The following XKRX variants were observed in gnomAD, a reference collection of about 807,000 sequenced individuals.
XKRX encodes XK related X-linked, also known as XK-related protein 2.
A neutral mutation model predicts 22.4 loss-of-function variants in XKRX; 11 were observed. That is an observed-to-expected ratio of 0.49 (90% CI 0.31 to 0.81). The LOEUF (loss-of-function observed/expected upper bound fraction) is 0.81. Among genes scored for constraint, XKRX ranks in the 40% least tolerant of loss-of-function variants. XKRX has a pLI of 0.05. For synonymous variants in XKRX, 114 were observed against 132.2 expected (o/e 0.86, Z 0.94); for missense variants, 320 against 336.5 (o/e 0.95, Z 0.38).
the XKRX span, among the ~76,000 whole-genome samples, chrX:100,944,791 C>T: frequency 1.8e-5 from 2 of 112,046 alleles, no homozygotes; most frequent in African/African-American, 6.5e-5. Context: ...CTGGCAGTGA[C>T]CTGAGGCCAA....
rs766360862 is a variant in XKRX, at chrX:100,914,671, G to A, written c.1017C>T (p.Leu339=). ...GTCCCCAGTTCTGCCCTTTGTCGACGAGATCTCTGTCTGCCAACCTCAACT... is the reference window on the plus strand; with the variant it reads ...GTCCCCAGTTCTGCCCTTTGTCGACAAGATCTCTGTCTGCCAACCTCAACT... ...ALQLRLADRD[L]VDKGQNWGHM... Residue 339 remains leucine, a synonymous_variant, in exon 3 of 3, where the codon CTC becomes CTT. Transcript: ENST00000372956. The A allele has an allele frequency of 3.1e-5, 38 of 1,210,010 alleles. No homozygotes were observed. Among genetic ancestry groups the A allele is most frequent in the South Asian group, 1.6e-4 (9 of 56,763 alleles).
At chrX:100,955,702 T>C in the XKRX span, among the ~76,000 whole-genome samples, 207 of 111,480 alleles carry the variant, frequency 1.9e-3, no homozygotes, top group African/African-American at 6.2e-3. Flanking sequence ...GTTTTCTTTT[T>C]AAAAAAGCAA....
chrX:100,889,412 A>C, the XKRX span, among the ~76,000 whole-genome samples: 1 of 108,924 alleles, frequency 9.2e-6, no homozygotes, highest in Non-Finnish European at 1.9e-5. Context: ...ATTTTTTTAA[A>C]TTTTTTCAGA....
chrX:100,954,273 G>C, the XKRX span, among the ~76,000 whole-genome samples: 169 of 111,094 alleles, frequency 1.5e-3, no homozygotes, highest in African/African-American at 4.6e-3. Flanking sequence ...ACAAAACTTA[G>C]CCAGGTGTGG....
chrX:100,945,883 G>A, the XKRX span, among the ~76,000 whole-genome samples: 102 of 105,296 alleles, frequency 9.7e-4, no homozygotes, highest in African/African-American at 3.3e-3. Flanking sequence ...GTGAAACAAC[G>A]CACATAAAAA....
the XKRX span, among the ~76,000 whole-genome samples, chrX:100,938,848 T>C: frequency 5.4e-4 from 61 of 112,273 alleles, no homozygotes; most frequent in African/African-American, 1.9e-3. Flanking sequence ...CTCCTAAAGA[T>C]ATACTCTCAC....
chrX:100,937,118 G>A, the XKRX span, among the ~76,000 whole-genome samples: 1 of 109,477 alleles, frequency 9.1e-6, no homozygotes, highest in Non-Finnish European at 1.9e-5. Context: ...AGCCTCCTGA[G>A]TAGCTGGGAT....
At chrX:100,894,496 G>A in the XKRX span, among the ~76,000 whole-genome samples, 1 of 111,313 alleles carries the variant, frequency 9.0e-6, no homozygotes, top group Admixed American at 9.6e-5. Flanking sequence ...TTTTCAGCCT[G>A]TGGTGTAACC....
In XKRX at chrX:100,922,987, G is replaced by A; in HGVS notation, c.410C>T (p.Thr137Ile). Residue 137 changes from threonine (T) to isoleucine (I), a missense_variant, in exon 2 of 3, where the codon ACC (threonine) becomes ATC (isoleucine). Thr to Ile is a moderately conservative substitution (Grantham distance 89). Transcript: ENST00000372956. ...EEQEEPYVSL[T>I]RKKMLIDGEE... is the part of the protein sequence containing the mutation. ...GCCATCTATTAGCATCTTCTTTCGG[G>A]TGAGGCTGACATAGGGCTCCTCCTG... The A allele has an allele frequency of 1.7e-6, 2 of 1,211,592 alleles. No homozygotes were observed. Among genetic ancestry groups the A allele is most frequent in the Middle Eastern group, 2.3e-4 (1 of 4,356 alleles).
chrX:100,958,240 T>C, the XKRX span, among the ~76,000 whole-genome samples: 1 of 112,040 alleles, frequency 8.9e-6, no homozygotes, highest in Non-Finnish European at 1.9e-5. Flanking sequence ...TCAGAGTTGC[T>C]ATAGACTATT....
chrX:100,901,173 T>C, the XKRX span, among the ~76,000 whole-genome samples: 4 of 111,503 alleles, frequency 3.6e-5, no homozygotes, highest in African/African-American at 9.8e-5. Flanking sequence ...TATGTATCTA[T>C]CTATATACAT....
the XKRX span, among the ~76,000 whole-genome samples, chrX:100,887,439 C>A: frequency 4.4e-5 from 5 of 112,686 alleles, no homozygotes; most frequent in South Asian, 3.7e-4. Flanking sequence ...ACTAAAATAA[C>A]CTGTTATACA....
At chrX:100,938,972 T>C in the XKRX span, among the ~76,000 whole-genome samples, 1 of 112,232 alleles carries the variant, frequency 8.9e-6, no homozygotes, top group East Asian at 2.8e-4. Flanking sequence ...AATTATGAAA[T>C]ACTTAGATTC....
intron 1 of XKRX, among the ~76,000 whole-genome samples, chrX:100,925,484 C>T (rs1464652878): frequency 9.0e-6 from 1 of 111,533 alleles, no homozygotes; most frequent in Non-Finnish European, 1.9e-5. Flanking sequence ...ATAAATGCTT[C>T]CCAATCATTT....
the XKRX span, among the ~76,000 whole-genome samples, chrX:100,951,069 C>T: frequency 1.8e-5 from 2 of 108,449 alleles, no homozygotes; most frequent in Non-Finnish European, 3.8e-5. Context: ...CGTGTCTGTA[C>T]TAAAAATACA....
At chrX:100,912,424 A>G (rs2147936073), downstream of XKRX, among the ~76,000 whole-genome samples, 1 of 112,034 alleles carries the variant, frequency 8.9e-6, no homozygotes, top group South Asian at 3.7e-4. Flanking sequence ...TGATGAAGGG[A>G]AAACCATGCT....
chrX:100,894,845 C>A, the XKRX span, among the ~76,000 whole-genome samples: 1 of 111,707 alleles, frequency 9.0e-6, no homozygotes, highest in Admixed American at 9.5e-5. Flanking sequence ...CCAAAGGGGA[C>A]CATGGCAAAA....
At chrX:100,951,545 G>A in the XKRX span, among the ~76,000 whole-genome samples, 6 of 110,842 alleles carry the variant, frequency 5.4e-5, no homozygotes, top group Non-Finnish European at 1.1e-4. Flanking sequence ...CAATAGCAAG[G>A]CAAACAGAAG....
chrX:100,927,973 A>G lies in XKRX; in HGVS notation c.332T>C (p.Ile111Thr). 2.5e-6 allele frequency: 3 copies of G among 1,191,791 alleles called. No individual in the cohort carries two copies. Among genetic ancestry groups the G allele is most frequent in the Non-Finnish European group, 3.4e-6 (3 of 886,770 alleles). ...FMHLILLGPV[I>T]RCLEAMIKYL... ...AAAAGATTTAAAAGTTGCTCACCTG[A>G]TAACAGGTCCCAAGAGGATTAGATG... The change falls in exon 1 of 3, where the codon ATC becomes ACC. Residue 111 changes from isoleucine (I) to threonine (T), a missense_variant. Transcript: ENST00000372956.
Sources: allele counts gnomAD v4.1 joint callset (sites outside exome capture counted in the v4.1 genomes callset), GRCh38; gene constraint gnomAD v4.1.1; transcripts MANE v1.5; gene names NCBI Gene and HGNC (gene_info 2026-07-23, HGNC 2026-07-21).